The following ZNF66 variants were observed in gnomAD, a reference collection of about 807,000 sequenced individuals.
ZNF66 encodes the protein zinc finger protein 66.
ZNF66 carries 32 observed loss-of-function variants against 35.2 expected under a neutral mutation model. The ratio of observed to expected loss-of-function variants is 0.91; its 90% CI spans 0.69 to 1.22. ZNF66 has a LOEUF of 1.22. Ranked by LOEUF, ZNF66 falls within the 50% of genes most tolerant of loss-of-function variation. ZNF66 has a pLI of 0.00. For missense variants in ZNF66, 666 were observed against 543.1 expected, an observed-to-expected ratio of 1.23 and a Z score of -2.25; for synonymous variants, 231 against 181.3, an observed-to-expected ratio of 1.27 and a Z score of -2.20.
At chr19:20,797,356 G>GC (rs1971404786) in intron 3 of ZNF66, among the ~76,000 whole-genome samples, 1 of 138,754 alleles carries the variant, frequency 7.2e-6, no homozygotes, top group South Asian at 2.3e-4. Flanking sequence ...ACAGGCGCCC[G>GC]CCACCTCGCC....
chr19:20,794,204 C>A, intron 3 of ZNF66: 1 of 305,170 alleles, frequency 3.3e-6, no homozygotes, highest in Non-Finnish European at 6.2e-6. Context: ...TGGGGACACA[C>A]AAATATCTTC....
chr19:20,788,649 C>T lies in ZNF66; in HGVS notation c.4-3863C>T, dbSNP rs556520476. Among the ~76,000 whole-genome samples, 7 of 152,132 alleles carry T rather than the reference C, an allele frequency of 4.6e-5. No individual in the cohort carries two copies. In the South Asian group the frequency reaches 1.0e-3, roughly 23 times the overall value. ...CAAACTCCTGATGTTGTGATCTACC[C>T]GCGTCATCCTCCTGAAGCGCTGGGA... On this transcript the variant is annotated intron_variant, in intron 1 of 3. Coordinates refer to ENST00000344519, the MANE Select transcript of ZNF66 (RefSeq NM_001355197.2).
intron 3 of ZNF66, chr19:20,799,094 C>G (rs1971424595): frequency 8.6e-6 from 1 of 116,628 alleles, no homozygotes; most frequent in Non-Finnish European, 1.7e-5. Context: ...TGGAATCTTG[C>G]TCTGTTGCCC....
intron 1 of ZNF66, among the ~76,000 whole-genome samples, chr19:20,787,012 C>T (rs921104045): frequency 2.6e-5 from 4 of 152,152 alleles, no homozygotes; most frequent in African/African-American, 9.7e-5. Flanking sequence ...CTGCCCACCT[C>T]GGCCTCCCAA....
At chr19:20,777,721 G>T (rs1971208621) in intron 1 of ZNF66, among the ~76,000 whole-genome samples, 1 of 151,936 alleles carries the variant, frequency 6.6e-6, no homozygotes, top group Non-Finnish European at 1.5e-5. Context: ...CACCTCATGG[G>T]TTCAAGCGAT....
chr19:20,789,250 A>G (rs752370382), intron 1 of ZNF66, among the ~76,000 whole-genome samples: 7 of 152,162 alleles, frequency 4.6e-5, no homozygotes, highest in Non-Finnish European at 7.3e-5. Context: ...AGAATTCTAC[A>G]TAGAGTCCCC....
intron 3 of ZNF66, chr19:20,799,379 A>G (rs1314668019): frequency 6.6e-6 from 1 of 151,814 alleles, no homozygotes; most frequent in Non-Finnish European, 1.5e-5. Context: ...CATATTTTAG[A>G]TATAGATTTA....
At chr19:20,776,667 C>T (rs1599543187) in intron 1 of ZNF66, among the ~76,000 whole-genome samples, 1 of 152,318 alleles carries the variant, frequency 6.6e-6, no homozygotes, top group East Asian at 1.9e-4. Context: ...CTGGAGCGCT[C>T]TGTGGGCAGC....
At position 20,808,205 on chromosome 19, in the gene ZNF66, A is replaced by C. The variant is rs1158250464; in HGVS notation, c.*883A>C. Among the ~76,000 whole-genome samples, 1 of 152,218 alleles carries C rather than the reference A, an allele frequency of 6.6e-6. No individual in the cohort carries two copies. Among genetic ancestry groups the C allele is most frequent in the Non-Finnish European group, 1.5e-5 (1 of 68,044 alleles). ...GCTTGCTTAGGTAAAGCAGCTGGGA[A>C]GCTAGAACTGGGTGGAGCCCACCAC... On this transcript the variant is annotated 3_prime_UTR_variant, in exon 4 of 4. Transcript: ENST00000344519.
At chr19:20,804,125 G>A (rs959846398) in intron 3 of ZNF66, among the ~76,000 whole-genome samples, 13 of 151,146 alleles carry the variant, frequency 8.6e-5, no homozygotes, top group African/African-American at 2.4e-5. Flanking sequence ...TTATATCCAC[G>A]ATTTTTGTTT....
intron 1 of ZNF66, among the ~76,000 whole-genome samples, chr19:20,786,656 C>T (rs1405276822): frequency 2.1e-5 from 2 of 94,446 alleles, no homozygotes; most frequent in Non-Finnish European, 4.8e-5. Context: ...AATAAAAGTG[C>T]AGTTACATCT....
Position 20,776,354 on chromosome 19 carries a change from T to C in ZNF66, c.-94T>C. ...GGTCGTCTGTTCACTGCTCTCTGTC[T>C]TCTTCTCCTAGAGGCCCAGCCTCTG... On this transcript the variant is annotated 5_prime_UTR_variant, in exon 1 of 4. Transcript: ENST00000344519. 1.3e-6 allele frequency: 2 copies of C among 1,495,076 alleles called. No homozygotes were observed. Among genetic ancestry groups the C allele is most frequent in the South Asian group, 2.3e-5 (2 of 88,644 alleles). 92.6% of individuals were successfully genotyped at this position (1,495,076 alleles called of 1,614,324 possible).
chr19:20,806,327 A>C lies in ZNF66; in HGVS notation c.727A>C (p.Asn243His), dbSNP rs1448413940. The C allele has an allele frequency of 5.9e-6, 9 of 1,536,928 alleles. No homozygotes were observed. The highest frequency in any genetic ancestry group is 1.7e-5 in the Admixed American group (1 of 59,834). ...DCGKAFNRSSNLTTHKKIHTG... is the reference protein window; with the variant it reads ...DCGKAFNRSSHLTTHKKIHTG... The stretch of plus-strand genomic sequence containing the variant: ...TGGCAAAGCCTTTAACCGCTCCTCT[A>C]ACCTTACTACACATAAGAAAATTCA... The change falls in exon 4 of 4, where the codon AAC (asparagine) becomes CAC (histidine). Residue 243 changes from asparagine to histidine, a missense_variant. Asn to His is a moderately conservative substitution (Grantham distance 68). Transcript: ENST00000344519.
At chr19:20,792,947 A>G (rs1971352179) in intron 2 of ZNF66, among the ~76,000 whole-genome samples, 1 of 152,008 alleles carries the variant, frequency 6.6e-6, no homozygotes, top group African/African-American at 2.4e-5. Context: ...ATGCACCTAT[A>G]ATCCCAGGAC....
intron 1 of ZNF66, among the ~76,000 whole-genome samples, chr19:20,791,500 A>G (rs895942649): frequency 5.9e-5 from 9 of 151,600 alleles, no homozygotes; most frequent in South Asian, 2.1e-4. Flanking sequence ...AAAAAAAAAA[A>G]AAAAAGAAAA....
rs1178233883 is a variant in ZNF66, at chr19:20,807,495, C to T, written c.*173C>T. On this transcript the variant is annotated 3_prime_UTR_variant, in exon 4 of 4. Coordinates refer to ENST00000344519, the MANE Select transcript of ZNF66 (RefSeq NM_001355197.2). Reference sequence around the variant, plus strand: ...TGTGACAAAGCTTTTAGGAAGTTCTCAACCCTTATTACACATAATTCATAC... The same window carrying T: ...TGTGACAAAGCTTTTAGGAAGTTCTTAACCCTTATTACACATAATTCATAC... Among the ~76,000 whole-genome samples the T allele has an allele frequency of 6.6e-6, 1 of 152,022 alleles. No individual in the cohort carries two copies. Among genetic ancestry groups the T allele is most frequent in the Non-Finnish European group, 1.5e-5 (1 of 68,008 alleles).
chr19:20,808,443 C>T lies in ZNF66; in HGVS notation c.*1121C>T, dbSNP rs1214731805. ...CCCCGAGCAGCCTAACTGGGAGGCA[C>T]ACCCCAGTAGGGGCAGACTGACACT... is the stretch of plus-strand genomic sequence containing the variant. On this transcript the variant is annotated 3_prime_UTR_variant, in exon 4 of 4. Coordinates refer to ENST00000344519, the MANE Select transcript of ZNF66 (RefSeq NM_001355197.2). Among the ~76,000 whole-genome samples the T allele has an allele frequency of 6.6e-6, 1 of 152,216 alleles. No homozygotes were observed. The highest frequency in any genetic ancestry group is 2.4e-5 in the African/African-American group (1 of 41,464).
chr19:20,808,744 GA>G lies in ZNF66; in HGVS notation c.*1428del, dbSNP rs1176543108. Among the ~76,000 whole-genome samples the G allele has an allele frequency of 8.6e-5, 13 of 151,876 alleles. No homozygotes were observed. Among genetic ancestry groups the G allele is most frequent in the Admixed American group, 8.5e-4 (13 of 15,212 alleles). The stretch of plus-strand genomic sequence containing the variant: ...AAGTAGATAAAACCACAAAGATGGG[GA>G]AAAAACAGAGCAGAAAAACTGGAAA... On this transcript the variant is annotated 3_prime_UTR_variant, in exon 4 of 4. Coordinates refer to ENST00000344519, the MANE Select transcript of ZNF66 (RefSeq NM_001355197.2).
chr19:20,776,492 T>C, intron 1 of ZNF66, 42 bp downstream of exon 1: 1 of 1,525,726 alleles, frequency 6.6e-7, no homozygotes, highest in South Asian at 1.1e-5. Context: ...GTGAAGTGTC[T>C]GTGGCGGGAC....
Sources: allele counts gnomAD v4.1 joint callset (sites outside exome capture counted in the v4.1 genomes callset), GRCh38; gene constraint gnomAD v4.1.1; transcripts MANE v1.5; gene names NCBI Gene and HGNC (gene_info 2026-07-23, HGNC 2026-07-21).